Variants in MPRIP observed in about 807,000 individuals in gnomAD.
The protein encoded by MPRIP is myosin phosphatase Rho interacting protein.
Under a neutral mutation model 234.9 loss-of-function variants are expected in MPRIP, and 59 were observed. The observed-to-expected ratio is 0.25, with a 90% confidence interval of 0.20 to 0.31. The LOEUF (loss-of-function observed/expected upper bound fraction) is 0.31. Ranked by LOEUF, MPRIP falls within the 10% of genes least tolerant of loss-of-function variation. The pLI, the probability that MPRIP is intolerant of heterozygous loss-of-function variation, is 1.00. For missense variants in MPRIP, 2,436 were observed against 3,071.0 expected (o/e 0.79, Z 4.89); for synonymous variants, 1,144 against 1,263.9 (o/e 0.91, Z 2.01).
intron 3 of MPRIP, among the ~76,000 whole-genome samples, chr17:17,111,664 CTCT>C (rs917424660): frequency 5.9e-5 from 9 of 152,202 alleles, no homozygotes; most frequent in African/African-American, 2.2e-4. Context: ...CTTGTTCAGA[CTCT>C]TCTGCCTGTT....
intron 3 of MPRIP, among the ~76,000 whole-genome samples, chr17:17,080,775 A>G (rs1458610768): frequency 6.6e-6 from 1 of 152,256 alleles, no homozygotes; most frequent in Non-Finnish European, 1.5e-5. Flanking sequence ...GAAAATGTAA[A>G]TGTGATTTGC....
Position 17,164,815 on chromosome 17 carries a change from G to T in MPRIP, c.3224G>T (p.Gly1075Val). ...QKEKLSATFE[G>V]SEQVHQLEEQ... ...GAGAAGCTGAGCGCCACTTTCGAGGGCAGTGAGCAGGTGCACCAGCTGGAG... is the reference window on the plus strand; with the variant it reads ...GAGAAGCTGAGCGCCACTTTCGAGGTCAGTGAGCAGGTGCACCAGCTGGAG... Residue 1075 changes from glycine to valine, a missense_variant, in exon 16 of 24, where the codon GGC becomes GTC. Around this residue, in one of 4 missense-constraint regions of MPRIP, gnomAD observed 1,998 missense variants for 2,520.3 expected, o/e 0.79. Coordinates refer to ENST00000651222, the MANE Select transcript of MPRIP (RefSeq NM_001364716.4). 1 of 1,304,168 alleles carries T rather than the reference G, an allele frequency of 7.7e-7. No homozygotes were observed. The highest frequency in any genetic ancestry group is 1.0e-6 in the Non-Finnish European group (1 of 988,936). The allele number at this position is 1,304,168 out of a possible 1,614,324, so 80.8% of individuals were successfully genotyped here. A position where few individuals can be genotyped will look rare whatever the true frequency, so the allele number is the denominator to read the frequency against.
At chr17:17,048,565 G>C (rs2143826367) in intron 1 of MPRIP, among the ~76,000 whole-genome samples, 2 of 152,238 alleles carry the variant, frequency 1.3e-5, no homozygotes, top group East Asian at 3.9e-4. Flanking sequence ...TCCCATTTCA[G>C]ACGGCCAAGC....
At chr17:17,090,782 G>A (rs376205861) in intron 3 of MPRIP, among the ~76,000 whole-genome samples, 139 of 152,268 alleles carry the variant, frequency 9.1e-4, no homozygotes, top group African/African-American at 3.3e-3. Context: ...GGGCGATCTG[G>A]GGGTTTTGCG....
At chr17:17,074,930 A>G (rs2089292439) in intron 1 of MPRIP, among the ~76,000 whole-genome samples, 1 of 152,142 alleles carries the variant, frequency 6.6e-6, no homozygotes, top group Non-Finnish European at 1.5e-5. Context: ...AGGTGTGAAT[A>G]ATACTGCTAT....
intron 12 of MPRIP, among the ~76,000 whole-genome samples, chr17:17,151,331 G>A (rs370479770): frequency 4.3e-4 from 66 of 152,340 alleles, no homozygotes; most frequent in African/African-American, 1.5e-3. Context: ...CCAAGGGAGA[G>A]CCATGTGGAG....
chr17:17,079,395 C>G (rs1755090318), intron 3 of MPRIP, among the ~76,000 whole-genome samples: 1 of 152,194 alleles, frequency 6.6e-6, no homozygotes, highest in South Asian at 2.1e-4. Context: ...GTGGACTTGG[C>G]TGGAAGTAGG....
At chr17:17,176,338 G>A (rs1000130928) in intron 20 of MPRIP, 88 bp from the exon 21 acceptor site, 2 of 976,908 alleles carry the variant, frequency 2.0e-6, no homozygotes, top group African/African-American at 3.2e-5. Context: ...GGTGATTGGA[G>A]AGCCCTCTGC....
intron 3 of MPRIP, among the ~76,000 whole-genome samples, chr17:17,091,218 G>C (rs192309514): frequency 6.6e-6 from 1 of 152,088 alleles, no homozygotes; most frequent in Non-Finnish European, 1.5e-5. Flanking sequence ...TCCCAGCAGC[G>C]GACCCAGAGG....
At chr17:17,099,644 T>C (rs536361134) in intron 3 of MPRIP, among the ~76,000 whole-genome samples, 16 of 152,168 alleles carry the variant, frequency 1.1e-4, no homozygotes, top group Non-Finnish European at 2.2e-4. Context: ...AGAGGATCGC[T>C]TGAGCCTGGG....
At chr17:17,122,335 GT>G (rs887536005) in intron 3 of MPRIP, among the ~76,000 whole-genome samples, 1 of 151,784 alleles carries the variant, frequency 6.6e-6, no homozygotes, top group African/African-American at 2.4e-5. Flanking sequence ...TCATTTTGTT[GT>G]TTTTTTGTTT....
At position 17,126,693 on chromosome 17, in the gene MPRIP, T is replaced by C. The variant is rs765907383; in HGVS notation, c.268-9T>C. 2 of 1,607,166 alleles carry C rather than the reference T, an allele frequency of 1.2e-6. No individual in the cohort carries two copies. Among genetic ancestry groups the C allele is most frequent in the Non-Finnish European group, 1.7e-6 (2 of 1,176,468 alleles). On this transcript the variant is annotated splice_polypyrimidine_tract_variant and intron_variant, in intron 3 of 23. Coordinates refer to ENST00000651222, the MANE Select transcript of MPRIP (RefSeq NM_001364716.4). ...GGCCTCTGGGTGACTCTCTGCCGCC[T>C]TCTTCCAGCCCACGACCCTTCCTCA...
In MPRIP at chr17:17,113,259, G is replaced by T. The variant is rs571796114; in HGVS notation, c.268-13443G>T. The stretch of plus-strand genomic sequence containing the variant: ...GACAGGGACAGAAATGCCAGAGAAA[G>T]GTAGCTGGGGTATAGGTCAGGTACA... On this transcript the variant is annotated intron_variant, in intron 3 of 23. Coordinates refer to ENST00000651222, the MANE Select transcript of MPRIP (RefSeq NM_001364716.4). 9.8e-5 allele frequency among the ~76,000 whole-genome samples: 15 copies of T among 152,348 alleles called. No individual in the cohort carries two copies. The East Asian group carries it at 2.9e-3, about 29-fold the overall frequency.
At chr17:17,120,105 G>T (rs1340288400) in intron 3 of MPRIP, among the ~76,000 whole-genome samples, 2 of 152,170 alleles carry the variant, frequency 1.3e-5, no homozygotes, top group Non-Finnish European at 2.9e-5. Flanking sequence ...GGGATTGGGG[G>T]ATAAAGGGAA....
rs936923785 is a variant in MPRIP, at chr17:17,078,212, G to A, written c.267+136G>A. 54 of 936,162 alleles carry A rather than the reference G, an allele frequency of 5.8e-5. No homozygotes were observed. The highest frequency in any genetic ancestry group is 7.9e-5 in the Non-Finnish European group (48 of 608,326). The allele number at this position is 936,162 out of a possible 1,614,324, so 58.0% of individuals were successfully genotyped here. On this transcript the variant is annotated intron_variant, in intron 3 of 23. Transcript: ENST00000651222. The surrounding 1 kb of genome is among the most constrained non-coding windows in gnomAD (Gnocchi z 4.3). ...TCTGTTTGGGAGTGTGGAATGTTTT[G>A]AAGAACTTGTGGCACCTGCTGGAGA...
chr17:17,117,344 G>C (rs1370873029), intron 3 of MPRIP, among the ~76,000 whole-genome samples: 2 of 152,298 alleles, frequency 1.3e-5, no homozygotes, highest in Admixed American at 6.5e-5. Flanking sequence ...GAAATCTCTA[G>C]GCCAAAACAT....
chr17:17,175,744 G>A (rs1364484516), intron 20 of MPRIP, among the ~76,000 whole-genome samples: 1 of 152,234 alleles, frequency 6.6e-6, no homozygotes, highest in Non-Finnish European at 1.5e-5. Flanking sequence ...TGCAGCTCAG[G>A]TCAGGGAGGC....
At chr17:17,098,369 T>G (rs145199633) in intron 3 of MPRIP, among the ~76,000 whole-genome samples, 1,529 of 152,174 alleles carry the variant, frequency 0.01, 15 homozygotes, top group Non-Finnish European at 0.014. Flanking sequence ...CCCATGTCTC[T>G]AAAAATATCT....
In MPRIP at chr17:17,158,765, C is replaced by T. The variant is rs142527324; in HGVS notation, c.2163C>T (p.Asp721=). The T allele has an allele frequency of 1.7e-4, 275 of 1,611,690 alleles. No individual in the cohort carries two copies. The highest frequency in any genetic ancestry group is 3.0e-4 in the South Asian group (27 of 91,038). ...RKRFGMLDAT[D]GPGTEDAALR... ...GCTTCGGGATGCTCGACGCCACAGACGGGCCAGGCACTGAGGATGCAGCCC... is the reference window on the plus strand; with the variant it reads ...GCTTCGGGATGCTCGACGCCACAGATGGGCCAGGCACTGAGGATGCAGCCC... The change falls in exon 14 of 24, where the codon GAC becomes GAT. Residue 721 remains aspartate (D), a synonymous_variant. Transcript: ENST00000651222.
Sources: allele counts gnomAD v4.1 joint callset (sites outside exome capture counted in the v4.1 genomes callset), GRCh38; gene constraint gnomAD v4.1.1; regional missense constraint gnomAD v4.1.1; non-coding constraint Gnocchi (gnomAD v3.1); transcripts MANE v1.5; gene names NCBI Gene and HGNC (gene_info 2026-07-23, HGNC 2026-07-21).